ZNF687: variants seen among roughly 807,000 people sequenced by gnomAD.
ZNF687 encodes the protein zinc finger protein 687.
ZNF687 carries 13 observed loss-of-function variants against 71.8 expected under a neutral mutation model. That is an observed-to-expected ratio of 0.18 (90% CI 0.12 to 0.29). The LOEUF is 0.29. ZNF687 is among the 10% of genes least tolerant of loss of function. The pLI is 1.00. For synonymous variants in ZNF687, 673 were observed against 641.6 expected, an observed-to-expected ratio of 1.05 and a Z score of -0.74; for missense variants, 1,412 against 1,625.6, an observed-to-expected ratio of 0.87 and a Z score of 2.26.
At chr1:151,281,640 G>A (rs1266321722), upstream of ZNF687, 1 of 470,030 alleles carries the variant, frequency 2.1e-6, no homozygotes, top group Non-Finnish European at 4.4e-6. Flanking sequence ...CCCAGGAGCT[G>A]AACCGCGCGA....
At position 151,286,361 on chromosome 1, in the gene ZNF687, A is replaced by C. The variant is rs745399884; in HGVS notation, c.70A>C (p.Asn24His). 1 of 1,607,612 alleles carries C rather than the reference A, an allele frequency of 6.2e-7. No individual in the cohort carries two copies. The highest frequency in any genetic ancestry group is 8.5e-7 in the Non-Finnish European group (1 of 1,178,280). The change falls in exon 2 of 9, where the codon AAT becomes CAT. Residue 24 changes from asparagine to histidine, a missense_variant. Asn to His is a moderately conservative substitution (Grantham distance 68, BLOSUM62 1). Coordinates refer to ENST00000336715, the MANE Select transcript of ZNF687 (RefSeq NM_020832.3). ...CTTTGACATCCCTGACATTGATGCG[A>C]ATGAAGCCATCCATTCTGGGCCAGA... ...AAFDIPDIDANEAIHSGPEEN... is the reference protein window; with the variant it reads ...AAFDIPDIDAHEAIHSGPEEN...
At position 151,291,070 on chromosome 1, in the gene ZNF687, C is replaced by G; in HGVS notation, c.3575C>G (p.Pro1192Arg). ...TCTGACCCCGATGGTGGAGACTCAC[C>G]CCTGCCTGCTTCTGGAGGCCCACTG... ...SRSDPDGGDSPLPASGGPLTC... is the reference protein window; with the variant it reads ...SRSDPDGGDSRLPASGGPLTC... Residue 1192 changes from proline (P) to arginine (R), a missense_variant, in exon 9 of 9, where the codon CCC (proline) becomes CGC (arginine). Around this residue, in one of 8 missense-constraint regions of ZNF687, gnomAD observed 284 missense variants for 359.2 expected, o/e 0.79. Transcript: ENST00000336715. The G allele has an allele frequency of 6.2e-7, 1 of 1,613,738 alleles. No homozygotes were observed.
In ZNF687 at chr1:151,289,286, A is replaced by AGGGCC; in HGVS notation, c.2471+20_2471+24dup. 2 of 1,612,792 alleles carry AGGGCC rather than the reference A, an allele frequency of 1.2e-6. No homozygotes were observed. The highest frequency in any genetic ancestry group is 8.5e-7 in the Non-Finnish European group (1 of 1,179,210). ...CAGCAGGCCAAGTGAGGCCCGGGGG[A>AGGGCC]GGGCCGGGCTGGGCCAGGGAGGGCT... On this transcript the variant is annotated intron_variant, in intron 4 of 8. Coordinates refer to ENST00000336715, the MANE Select transcript of ZNF687 (RefSeq NM_020832.3).
Position 151,286,502 on chromosome 1 carries a change from G to C in ZNF687, c.211G>C (p.Asp71His). The C allele has an allele frequency of 6.2e-7, 1 of 1,614,140 alleles. No homozygotes were observed. Among genetic ancestry groups the C allele is most frequent in the Non-Finnish European group, 8.5e-7 (1 of 1,180,018 alleles). ...CCCTGGAGTTCCAGCCCAGGCCTCT[G>C]ACCATGGCCTGCCACCGCCAGACAT... The part of the protein sequence containing the change: ...DGPGVPAQAS[D>H]HGLPPPDISV... Residue 71 changes from aspartate (D) to histidine (H), a missense_variant, in exon 2 of 9, where the codon GAC becomes CAC. By Grantham distance (81) the Asp-to-His change is moderately conservative. Around this residue, in one of 8 missense-constraint regions of ZNF687, gnomAD observed 490 missense variants for 489.9 expected, o/e 1.00. Transcript: ENST00000336715.
Position 151,288,319 on chromosome 1 carries a change from G to A in ZNF687, c.2028G>A (p.Leu676=). Residue 676 remains leucine (L), a synonymous_variant, in exon 2 of 9, where the codon CTG becomes CTA. Coordinates refer to ENST00000336715, the MANE Select transcript of ZNF687 (RefSeq NM_020832.3). ...ATSAYTCFRC[L]ECKEQCRDKA... ...CTGCTTACACATGCTTTCGCTGCCT[G>A]GAGTGCAAGGAACAGTGCCGGGACA... 5 of 1,612,562 alleles carry A rather than the reference G, an allele frequency of 3.1e-6. No individual in the cohort carries two copies. Among genetic ancestry groups the A allele is most frequent in the East Asian group, 4.5e-5 (2 of 44,892 alleles).
In ZNF687 at chr1:151,289,512, A is replaced by G; in HGVS notation, c.2606A>G (p.Gln869Arg). ...KCPSCPLLFA[Q>R]KRTMLEHLKN... ...CCGTCTTGTCCTCTGCTCTTTGCCC[A>G]AAAAAGGACCATGCTGGAACATCTC... Residue 869 changes from glutamine (Q) to arginine (R), a missense_variant, in exon 5 of 9, where the codon CAA becomes CGA. Gln to Arg is a conservative substitution (Grantham distance 43). This residue lies in a region of ZNF687 where 106 missense variants were observed against 146.0 expected (regional missense o/e 0.73). Transcript: ENST00000336715. The G allele has an allele frequency of 6.2e-7, 1 of 1,614,074 alleles. No individual in the cohort carries two copies. The highest frequency in any genetic ancestry group is 1.1e-5 in the South Asian group (1 of 91,086).
upstream of ZNF687, chr1:151,282,126 C>G: frequency 1.1e-5 from 14 of 1,241,174 alleles, no homozygotes; most frequent in Non-Finnish European, 1.5e-5. Flanking sequence ...CATAAGAGGA[C>G]TGTGCGGGGC....
intron 1 of ZNF687, among the ~76,000 whole-genome samples, chr1:151,284,925 T>G (rs2101864352): frequency 1.3e-5 from 2 of 149,200 alleles, no homozygotes; most frequent in African/African-American, 5.0e-5. Context: ...TCCTCCCATG[T>G]CAGCTGGGAG....
Position 151,290,478 on chromosome 1 carries a change from G to C in ZNF687, c.3124G>C (p.Glu1042Gln), listed in dbSNP as rs370066362. The C allele has an allele frequency of 6.8e-6, 11 of 1,613,870 alleles. No individual in the cohort carries two copies. Among genetic ancestry groups the C allele is most frequent in the Non-Finnish European group, 9.3e-6 (11 of 1,180,022 alleles). Residue 1042 changes from glutamate to glutamine, a missense_variant, in exon 8 of 9, where the codon GAG (glutamate) becomes CAG (glutamine). This residue lies in a region of ZNF687 where 284 missense variants were observed against 359.2 expected (regional missense o/e 0.79). Coordinates refer to ENST00000336715, the MANE Select transcript of ZNF687 (RefSeq NM_020832.3). ...CACCTTCAGCAGCCGCCTGATCCTA[G>C]AGAAACATGTCCAGGTCCGGCACGG... The part of the protein sequence containing the change: ...KRTFSSRLIL[E>Q]KHVQVRHGLQ...
At position 151,288,184 on chromosome 1, in the gene ZNF687, T is replaced by A; in HGVS notation, c.1893T>A (p.Pro631=). ...VPPVSGPLAL[P]ALGKGEGAIT... is the part of the protein sequence containing the mutation. The stretch of plus-strand genomic sequence containing the variant: ...CTGTCTCTGGACCTCTGGCCTTGCC[T>A]GCCTTGGGCAAGGGTGAGGGGGCCA... The change falls in exon 2 of 9, where the codon CCT becomes CCA. Residue 631 remains proline (P), a synonymous_variant. Coordinates refer to ENST00000336715, the MANE Select transcript of ZNF687 (RefSeq NM_020832.3). 1 of 1,613,830 alleles carries A rather than the reference T, an allele frequency of 6.2e-7. No individual in the cohort carries two copies.
Position 151,291,356 on chromosome 1 carries a change from G to A in ZNF687, c.*147G>A. 8.6e-7 allele frequency: 1 copy of A among 1,161,216 alleles called. No individual in the cohort carries two copies. 71.9% of individuals were successfully genotyped at this position (1,161,216 alleles called of 1,614,324 possible). On this transcript the variant is annotated 3_prime_UTR_variant, in exon 9 of 9. Transcript: ENST00000336715. Reference sequence around the variant, plus strand: ...AACCTGAAGAAGAAGAGCATTTGAGGATTATTCTAGTTATTTGCAACCTCC... The same window carrying A: ...AACCTGAAGAAGAAGAGCATTTGAGAATTATTCTAGTTATTTGCAACCTCC...
Position 151,291,453 on chromosome 1 carries a change from A to G in ZNF687, c.*244A>G, listed in dbSNP as rs1371822185. 1 of 467,410 alleles carries G rather than the reference A, an allele frequency of 2.1e-6. No individual in the cohort carries two copies. The highest frequency in any genetic ancestry group is 3.9e-5 in the East Asian group (1 of 25,888). 29.0% of individuals were successfully genotyped at this position (467,410 alleles called of 1,614,324 possible). On this transcript the variant is annotated 3_prime_UTR_variant, in exon 9 of 9. Coordinates refer to ENST00000336715, the MANE Select transcript of ZNF687 (RefSeq NM_020832.3). ...TCCTTTCTGAGCCCAACACTAATTA[A>G]TTTTATGCTCCTGCTGCAGAACCCC...
rs587689840 is a variant in ZNF687 at position 151,282,796 on chromosome 1, C to T, written c.-18+401C>T. On this transcript the variant is annotated intron_variant, in intron 1 of 8. Coordinates refer to ENST00000336715, the MANE Select transcript of ZNF687 (RefSeq NM_020832.3). The stretch of plus-strand genomic sequence containing the variant: ...CCCCGACTGGGTGCGGGTCAGCGTC[C>T]GGGCCCGGGCAAGACTCAGGCTTGC... Among the ~76,000 whole-genome samples the T allele has an allele frequency of 1.2e-4, 18 of 152,148 alleles. No individual in the cohort carries two copies. The South Asian group carries it at 3.1e-3, about 26-fold the overall frequency.
At position 151,287,981 on chromosome 1, in the gene ZNF687, A is replaced by G. The variant is rs1694027672; in HGVS notation, c.1690A>G (p.Asn564Asp). ...GAGCATGCGCATCGAGGTCACCTGC[A>G]ACCACTGCGCCCGCCGCCTGGTCTT... Reference protein sequence around the residue: ...RRSMRIEVTCNHCARRLVFFN... With the variant: ...RRSMRIEVTCDHCARRLVFFN... The change falls in exon 2 of 9, where the codon AAC (asparagine) becomes GAC (aspartate). Residue 564 changes from asparagine (N) to aspartate (D), a missense_variant. By Grantham distance (23) the Asn-to-Asp change is conservative. Around this residue, in one of 8 missense-constraint regions of ZNF687, gnomAD observed 50 missense variants for 106.6 expected, o/e 0.47. Transcript: ENST00000336715. This position sits in a 1 kb window ranked among gnomAD's most constrained non-coding sequence, Gnocchi z 5.0. 2.5e-6 allele frequency: 4 copies of G among 1,613,844 alleles called. No homozygotes were observed. The highest frequency in any genetic ancestry group is 3.4e-6 in the Non-Finnish European group (4 of 1,180,042).
At position 151,291,297 on chromosome 1, in the gene ZNF687, T is replaced by C; in HGVS notation, c.*88T>C. 6.8e-7 allele frequency: 1 copy of C among 1,461,166 alleles called. No homozygotes were observed. Among genetic ancestry groups the C allele is most frequent in the South Asian group, 1.4e-5 (1 of 73,186 alleles). 90.5% of individuals were successfully genotyped at this position (1,461,166 alleles called of 1,614,324 possible). A position where few individuals can be genotyped will look rare whatever the true frequency, so the allele number is the denominator to read the frequency against. ...TGATCCCTCGGCTGGGGAGTTTTCA[T>C]TAACATTAATATTTTGTTAATTCCT... On this transcript the variant is annotated 3_prime_UTR_variant, in exon 9 of 9. Coordinates refer to ENST00000336715, the MANE Select transcript of ZNF687 (RefSeq NM_020832.3).
intron 1 of ZNF687, chr1:151,284,326 G>C: frequency 1.1e-6 from 1 of 949,132 alleles, no homozygotes; most frequent in Non-Finnish European, 1.3e-6. Flanking sequence ...GAGAAGGAAG[G>C]GCTGGCTAGG....
At chr1:151,284,473 C>T (rs1557766576) in intron 1 of ZNF687, among the ~76,000 whole-genome samples, 1 of 152,144 alleles carries the variant, frequency 6.6e-6, no homozygotes, top group Admixed American at 6.5e-5. Context: ...TCTTTCTGTT[C>T]CTGTGTCTTA....
chr1:151,282,455 A>G (rs893582380), intron 1 of ZNF687, 60 bp downstream of exon 1: 1 of 969,400 alleles, frequency 1.0e-6, no homozygotes, highest in Non-Finnish European at 1.2e-6. Flanking sequence ...GGGGCGGGTA[A>G]ATACCCCCGC....
At position 151,290,990 on chromosome 1, in the gene ZNF687, T is replaced by G; in HGVS notation, c.3495T>G (p.Gly1165=). The G allele has an allele frequency of 6.2e-7, 1 of 1,613,842 alleles. No homozygotes were observed. The highest frequency in any genetic ancestry group is 8.5e-7 in the Non-Finnish European group (1 of 1,179,998). ...GCCACAAGAAGAGACGGGGTGTGGG[T>G]AAAGCCAGTGCCCTGGGGCTGGGGG... The part of the protein sequence containing the change: ...FISHKKRRGV[G]KASALGLGDG... Residue 1165 remains glycine, a synonymous_variant, in exon 9 of 9, where the codon GGT becomes GGG. Coordinates refer to ENST00000336715, the MANE Select transcript of ZNF687 (RefSeq NM_020832.3).
Sources: allele counts gnomAD v4.1 joint callset (sites outside exome capture counted in the v4.1 genomes callset), GRCh38; gene constraint gnomAD v4.1.1; regional missense constraint gnomAD v4.1.1; non-coding constraint Gnocchi (gnomAD v3.1); transcripts MANE v1.5; gene names NCBI Gene and HGNC (gene_info 2026-07-23, HGNC 2026-07-21).